USH2A: variants seen among roughly 807,000 people sequenced by gnomAD.
USH2A encodes usherin.
USH2A carries 443 observed loss-of-function variants against 538.9 expected under a neutral mutation model. That is an observed-to-expected ratio of 0.82 (90% CI 0.76 to 0.89). USH2A has a LOEUF of 0.89. USH2A is among the 40% of genes least tolerant of loss of function. USH2A has a pLI of 0.00. For synonymous variants in USH2A, 2,413 were observed against 2,273.5 expected (o/e 1.06, Z -1.75); for missense variants, 6,633 against 6,324.8 (o/e 1.05, Z -1.65).
intron 44 of USH2A, among the ~76,000 whole-genome samples, chr1:215,847,521 T>C (rs1166345750): frequency 6.6e-6 from 1 of 151,968 alleles, no homozygotes; most frequent in African/African-American, 2.4e-5. Flanking sequence ...GGCACACACC[T>C]GTAGTCCCAG....
At chr1:216,219,615 A>T (rs2035416135) in intron 14 of USH2A, among the ~76,000 whole-genome samples, 1 of 152,144 alleles carries the variant, frequency 6.6e-6, no homozygotes, top group Non-Finnish European at 1.5e-5. Context: ...AAAGAGAAAC[A>T]CCAAACTAAG....
intron 63 of USH2A, among the ~76,000 whole-genome samples, chr1:215,673,558 A>T (rs906657463): frequency 1.3e-5 from 2 of 152,204 alleles, no homozygotes; most frequent in African/African-American, 4.8e-5. Flanking sequence ...TGAGCTAGCA[A>T]AGTGGCACTG....
chr1:215,918,459 ACTGT>A (rs1666015545), intron 38 of USH2A, among the ~76,000 whole-genome samples: 1 of 152,080 alleles, frequency 6.6e-6, no homozygotes, highest in Non-Finnish European at 1.5e-5. Flanking sequence ...AAAGAAAATG[ACTGT>A]CTATGAAGAA....
rs1184474610 is a variant in USH2A, at chr1:216,321,852, T to C, written c.1644+31A>G. On this transcript the variant is annotated intron_variant, in intron 9 of 71. Coordinates refer to ENST00000307340, the MANE Select transcript of USH2A (RefSeq NM_206933.4). ...TAGTCACCATCTCTACTATTTTTTT[T>C]TTAGATTTCCATGCATAAAATAGAA... 23 of 1,583,442 alleles carry C rather than the reference T, an allele frequency of 1.5e-5. No homozygotes were observed. The East Asian group carries it at 5.2e-4, about 35-fold the overall frequency.
chr1:216,156,414 A>G (rs1475675593), intron 21 of USH2A, among the ~76,000 whole-genome samples: 2 of 144,084 alleles, frequency 1.4e-5, no homozygotes, highest in Non-Finnish European at 3.0e-5. Context: ...TTCACATCTT[A>G]TTTTTGGACT....
intron 21 of USH2A, chr1:216,174,489 T>C: frequency 1.0e-6 from 1 of 985,484 alleles, no homozygotes; most frequent in Non-Finnish European, 1.2e-6. Context: ...AGGATTGTGC[T>C]GGTACAGAGT....
At chr1:216,291,077 G>A (rs948581138) in intron 10 of USH2A, among the ~76,000 whole-genome samples, 3 of 152,106 alleles carry the variant, frequency 2.0e-5, no homozygotes, top group Non-Finnish European at 2.9e-5. Flanking sequence ...ATAACCAGGT[G>A]TATCTTTTAA....
intron 61 of USH2A, among the ~76,000 whole-genome samples, chr1:215,723,520 C>T (rs1434265316): frequency 6.6e-6 from 1 of 152,140 alleles, no homozygotes; most frequent in Non-Finnish European, 1.5e-5. Context: ...TATTGATGGC[C>T]CCTTGGGCAG....
At position 215,977,728 on chromosome 1, in the gene USH2A, G is replaced by A. The variant is rs553403550; in HGVS notation, c.6806-6952C>T. Among the ~76,000 whole-genome samples the A allele has an allele frequency of 4.1e-3, 628 of 152,184 alleles. 3 individuals are homozygous for A. The highest frequency in any genetic ancestry group is 0.014 in the African/African-American group (600 of 41,534). ...GGATTTCACTGTATTGGCCAGGCTA[G>A]TCTCGAACTCCTGACCTTGTGATCC... On this transcript the variant is annotated intron_variant, in intron 35 of 71. Coordinates refer to ENST00000307340, the MANE Select transcript of USH2A (RefSeq NM_206933.4).
intron 3 of USH2A, among the ~76,000 whole-genome samples, chr1:216,413,888 T>C (rs1242680129): frequency 1.3e-5 from 2 of 152,138 alleles, no homozygotes; most frequent in Non-Finnish European, 2.9e-5. Flanking sequence ...TTGACACTAT[T>C]TGGGCTATAA....
chr1:215,767,739 A>G (rs1200116026), intron 55 of USH2A, among the ~76,000 whole-genome samples: 1 of 152,184 alleles, frequency 6.6e-6, no homozygotes, highest in Non-Finnish European at 1.5e-5. Flanking sequence ...GGGAATCATT[A>G]TAGCATCTAG....
chr1:215,694,600 G>T (rs548363141), intron 61 of USH2A, among the ~76,000 whole-genome samples: 1 of 152,070 alleles, frequency 6.6e-6, no homozygotes, highest in South Asian at 2.1e-4. Flanking sequence ...AACCCACAAG[G>T]CATTCAAAAT....
chr1:216,394,007 A>G (rs1486880564), intron 3 of USH2A, among the ~76,000 whole-genome samples: 1 of 152,230 alleles, frequency 6.6e-6, no homozygotes, highest in African/African-American at 2.4e-5. Context: ...ACATTTCACT[A>G]AAGAGGATAC....
intron 13 of USH2A, among the ~76,000 whole-genome samples, chr1:216,234,435 A>G (rs1485784855): frequency 6.6e-6 from 1 of 152,180 alleles, no homozygotes; most frequent in Admixed American, 6.5e-5. Context: ...TCCCTTATAT[A>G]TACATATCCA....
At chr1:215,684,300 C>A (rs1571956199) in intron 61 of USH2A, among the ~76,000 whole-genome samples, 1 of 152,324 alleles carries the variant, frequency 6.6e-6, no homozygotes, top group East Asian at 1.9e-4. Context: ...CAATTTTACA[C>A]CATCTCCTCT....
rs576617508 is a variant in USH2A at position 215,727,212 on chromosome 1, C to T, written c.12066+818G>A. On this transcript the variant is annotated intron_variant, in intron 61 of 71. Transcript: ENST00000307340. ...ATAAATACATATATACACACACATA[C>T]ATACACACATATATACAAATACATA... 1.1e-3 allele frequency among the ~76,000 whole-genome samples: 168 copies of T among 152,008 alleles called. 2 individuals carry two copies. The highest frequency in any genetic ancestry group is 1.6e-3 in the Non-Finnish European group (109 of 67,972).
chr1:216,325,948 A>T (rs185799072), intron 5 of USH2A, among the ~76,000 whole-genome samples: 1 of 152,340 alleles, frequency 6.6e-6, no homozygotes, highest in East Asian at 1.9e-4. Context: ...TTAGGATGCT[A>T]AACTAACTAC....
intron 3 of USH2A, among the ~76,000 whole-genome samples, chr1:216,402,162 TA>T (rs2039316517): frequency 6.6e-6 from 1 of 152,122 alleles, no homozygotes; most frequent in Admixed American, 6.5e-5. Flanking sequence ...TCTGGCCTGT[TA>T]AAAAATCCTG....
intron 5 of USH2A, 133 bp downstream of exon 5, chr1:216,327,458 A>G: frequency 9.8e-7 from 1 of 1,023,862 alleles, no homozygotes; most frequent in Admixed American, 1.9e-5. Flanking sequence ...CAAACACTGT[A>G]AACATTAATT....
Sources: gnomAD v4.1 joint callset for allele counts (sites outside exome capture counted in the v4.1 genomes callset) on GRCh38, gnomAD v4.1.1 for gene constraint, MANE v1.5 for transcripts, NCBI Gene and HGNC (gene_info 2026-07-23, HGNC 2026-07-21) for gene names.